ERGIC1: variants seen among roughly 807,000 people sequenced by gnomAD.
ERGIC1 encodes the protein endoplasmic reticulum-Golgi intermediate compartment protein 1.
ERGIC1 carries 19 observed loss-of-function variants against 38.3 expected under a neutral mutation model. The ratio of observed to expected loss-of-function variants is 0.50; its 90% confidence interval spans 0.35 to 0.73. ERGIC1 has a LOEUF of 0.73. ERGIC1 is among the 30% of genes least tolerant of loss of function. ERGIC1 has a pLI of 0.01. For missense variants in ERGIC1, 294 were observed against 389.2 expected (o/e 0.76, Z 2.06); for synonymous variants, 124 against 157.6 (o/e 0.79, Z 1.60).
chr5:172,862,289 CTGAG>C, intron 1 of ERGIC1, among the ~76,000 whole-genome samples: 1 of 106,462 alleles, frequency 9.4e-6, no homozygotes, highest in Middle Eastern at 0.014. Flanking sequence ...GCCTGGGCAA[CTGAG>C]TGAGACTACA....
chr5:172,934,721 C>T (rs1189473060), intron 8 of ERGIC1: 1 of 205,402 alleles, frequency 4.9e-6, no homozygotes, highest in African/African-American at 2.3e-5. Context: ...TTATGTCTTC[C>T]TCCTTCTGCA....
rs79569570 is a variant in ERGIC1, at chr5:172,858,880, C to T, written c.20+24447C>T. The stretch of plus-strand genomic sequence containing the variant: ...ATGCTTCCCTGCCCTGTGGGTAACA[C>T]GGGGGAGATTACTGTTTGAAGTACT... On this transcript the variant is annotated intron_variant, in intron 1 of 9. Coordinates refer to ENST00000393784, the MANE Select transcript of ERGIC1 (RefSeq NM_001031711.3). 4.2e-3 allele frequency among the ~76,000 whole-genome samples: 641 copies of T among 152,296 alleles called. 2 individuals are homozygous for T. Among genetic ancestry groups the T allele is most frequent in the African/African-American group, 0.015 (622 of 41,556 alleles).
chr5:172,926,511 C>G lies in ERGIC1; in HGVS notation c.483C>G (p.Val161=). ...CCCCTCACTGCATTTTTCCACAGGTCCAGAACATCCACGGAGCTTTCAATG... is the reference window on the plus strand; with the variant it reads ...CCCCTCACTGCATTTTTCCACAGGTGCAGAACATCCACGGAGCTTTCAATG... ...HKLSFGDTLQ[V]QNIHGAFNAL... Residue 161 remains valine, a splice_region_variant and synonymous_variant, in exon 7 of 10, where the codon GTC becomes GTG. Transcript: ENST00000393784. This position sits in a 1 kb window ranked among gnomAD's most constrained non-coding sequence, Gnocchi z 5.2. 6.2e-7 allele frequency: 1 copy of G among 1,613,820 alleles called. No individual in the cohort carries two copies. Among genetic ancestry groups the G allele is most frequent in the African/African-American group, 1.3e-5 (1 of 75,018 alleles).
At chr5:172,884,575 A>G (rs1356757381) in intron 1 of ERGIC1, among the ~76,000 whole-genome samples, 1 of 152,096 alleles carries the variant, frequency 6.6e-6, no homozygotes. Context: ...TGTCCTTTTG[A>G]CATGTCCTTT....
At chr5:172,892,072 T>G (rs1183008925) in intron 2 of ERGIC1, among the ~76,000 whole-genome samples, 3 of 147,376 alleles carry the variant, frequency 2.0e-5, no homozygotes, top group Non-Finnish European at 3.0e-5. Context: ...GTTTTTTTTT[T>G]TTTTTTTTTT....
chr5:172,909,268 C>T (rs569018348), intron 3 of ERGIC1, among the ~76,000 whole-genome samples: 50 of 150,738 alleles, frequency 3.3e-4, no homozygotes, highest in African/African-American at 6.1e-4. Context: ...CTCCTGGGTT[C>T]GTGATTTTCA....
Position 172,914,810 on chromosome 5 carries a change from G to A in ERGIC1, c.347G>A (p.Arg116His), listed in dbSNP as rs369010301. Residue 116 changes from arginine to histidine, a missense_variant, in exon 5 of 10, where the codon CGC becomes CAC. By Grantham distance (29) the Arg-to-His change is conservative. Coordinates refer to ENST00000393784, the MANE Select transcript of ERGIC1 (RefSeq NM_001031711.3). Reference sequence around the variant, plus strand: ...CCGCTGAACAATGGGGCAGGCTGCCGCTTCGAGGGGCAGTTCAGCATCAAC... The same window carrying A: ...CCGCTGAACAATGGGGCAGGCTGCCACTTCGAGGGGCAGTTCAGCATCAAC... ...KIPLNNGAGC[R>H]FEGQFSINKV... 2.7e-5 allele frequency: 44 copies of A among 1,614,072 alleles called. 1 individual carries two copies. The highest frequency in any genetic ancestry group is 6.7e-5 in the East Asian group (3 of 44,900).
intron 1 of ERGIC1, among the ~76,000 whole-genome samples, chr5:172,880,247 G>A (rs907051846): frequency 6.6e-6 from 1 of 152,148 alleles, no homozygotes; most frequent in Non-Finnish European, 1.5e-5. Context: ...ATGTTGGCTA[G>A]GATGGTCTCG....
At chr5:172,907,104 C>G (rs1232816174) in intron 3 of ERGIC1, among the ~76,000 whole-genome samples, 1 of 152,214 alleles carries the variant, frequency 6.6e-6, no homozygotes, top group Non-Finnish European at 1.5e-5. Context: ...GTTCCTACAG[C>G]CCTCCTCCTC....
At chr5:172,882,539 C>T (rs1035014440) in intron 1 of ERGIC1, among the ~76,000 whole-genome samples, 14 of 152,178 alleles carry the variant, frequency 9.2e-5, no homozygotes, top group African/African-American at 3.4e-4. Flanking sequence ...AATCCTAGCT[C>T]TGCCACTCAC....
chr5:172,932,378 G>C, intron 7 of ERGIC1, 58 bp from the exon 8 acceptor site: 2 of 1,557,612 alleles, frequency 1.3e-6, no homozygotes, highest in Non-Finnish European at 8.8e-7. Flanking sequence ...AAATGACATA[G>C]AGCTGTCAGC....
intron 9 of ERGIC1, among the ~76,000 whole-genome samples, chr5:172,943,261 T>C (rs1031478519): frequency 3.3e-5 from 5 of 152,034 alleles, no homozygotes; most frequent in African/African-American, 9.7e-5. Context: ...TTGCAGCCCA[T>C]AGGAATTGTA....
chr5:172,853,081 G>T (rs1282343339), intron 1 of ERGIC1, among the ~76,000 whole-genome samples: 1 of 149,652 alleles, frequency 6.7e-6, no homozygotes, highest in Non-Finnish European at 1.5e-5. Context: ...GTGTAGATAT[G>T]AGTGTGCAAA....
At chr5:172,894,680 A>C (rs493790) in intron 2 of ERGIC1, among the ~76,000 whole-genome samples, 150,747 of 152,290 alleles carry the variant, frequency 0.99, 74,628 homozygotes, top group East Asian at 1. Context: ...CTCTCCTGCC[A>C]CCACACAGTG....
At chr5:172,919,629 C>A (rs1170244734) in intron 5 of ERGIC1, among the ~76,000 whole-genome samples, 2 of 152,232 alleles carry the variant, frequency 1.3e-5, no homozygotes, top group Non-Finnish European at 2.9e-5. Context: ...CTTCTCTGAG[C>A]CTCAGGTTCC....
At chr5:172,860,422 C>G (rs1761666773) in intron 1 of ERGIC1, among the ~76,000 whole-genome samples, 1 of 152,248 alleles carries the variant, frequency 6.6e-6, no homozygotes, top group South Asian at 2.1e-4. Flanking sequence ...GAAGCCAAGG[C>G]ACAGAGAAGT....
Position 172,952,139 on chromosome 5 carries a change from G to GCCA in ERGIC1, c.*1325_*1327dup, listed in dbSNP as rs1303898301. The GCCA allele has an allele frequency of 6.6e-6, 1 of 152,234 alleles. No individual in the cohort carries two copies. Among genetic ancestry groups the GCCA allele is most frequent in the Admixed American group, 6.5e-5 (1 of 15,282 alleles). 9.4% of individuals were successfully genotyped at this position (152,234 alleles called of 1,614,324 possible). Reference sequence around the variant, plus strand: ...TATGCCCTCATGTCCCAGGGAGAGAGCCACACGCCTGTTTTCCATTTATAG... The same window carrying GCCA: ...TATGCCCTCATGTCCCAGGGAGAGAGCCACCACACGCCTGTTTTCCATTTATAG... On this transcript the variant is annotated 3_prime_UTR_variant, in exon 10 of 10. Coordinates refer to ENST00000393784, the MANE Select transcript of ERGIC1 (RefSeq NM_001031711.3).
At chr5:172,911,613 A>G (rs10071392) in intron 4 of ERGIC1, among the ~76,000 whole-genome samples, 102,810 of 151,982 alleles carry the variant, frequency 0.68, 35,304 homozygotes, top group Non-Finnish European at 0.74. Context: ...TACTTCTGGA[A>G]AACACAGGGA....
At chr5:172,923,018 G>A (rs940127953) in intron 5 of ERGIC1, among the ~76,000 whole-genome samples, 8 of 152,062 alleles carry the variant, frequency 5.3e-5, no homozygotes, top group Non-Finnish European at 8.8e-5. Flanking sequence ...ATGGGACGTC[G>A]GGAGTGAGAA....
Sources: allele counts gnomAD v4.1 joint callset (sites outside exome capture counted in the v4.1 genomes callset), GRCh38; gene constraint gnomAD v4.1.1; non-coding constraint Gnocchi (gnomAD v3.1); transcripts MANE v1.5; gene names NCBI Gene and HGNC (gene_info 2026-07-23, HGNC 2026-07-21).